Variants in CBX1 observed in about 807,000 individuals in gnomAD.
CBX1 encodes the protein chromobox 1.
A neutral mutation model predicts 25.1 loss-of-function variants in CBX1; 10 were observed. That is an observed-to-expected ratio of 0.40 (90% CI 0.25 to 0.68). The LOEUF is 0.68. CBX1 is among the 30% of genes least tolerant of loss of function. CBX1 has a pLI of 0.40. For synonymous variants in CBX1, 63 were observed against 79.4 expected, an observed-to-expected ratio of 0.79 and a Z score of 1.10; for missense variants, 106 against 218.5, an observed-to-expected ratio of 0.49 and a Z score of 3.25.
intron 1 of CBX1, among the ~76,000 whole-genome samples, chr17:48,092,556 G>A (rs961152980): frequency 2.3e-4 from 34 of 150,612 alleles, no homozygotes; most frequent in African/African-American, 8.0e-4. Context: ...CGGGTTCAAG[G>A]GATTCTCCTG....
intron 1 of CBX1, chr17:48,095,903 T>TG (rs2063372450): frequency 6.6e-6 from 1 of 152,212 alleles, no homozygotes; most frequent in East Asian, 1.9e-4. Flanking sequence ...TTTTTGGAGA[T>TG]GGAGTCTTGC....
At chr17:48,082,298 C>T (rs1462851738) in intron 1 of CBX1, among the ~76,000 whole-genome samples, 2 of 151,730 alleles carry the variant, frequency 1.3e-5, no homozygotes, top group Non-Finnish European at 2.9e-5. Flanking sequence ...GTCAGGAGAT[C>T]GAGCCCATCC....
intron 1 of CBX1, chr17:48,100,800 T>C: frequency 6.1e-6 from 6 of 985,462 alleles, no homozygotes; most frequent in Non-Finnish European, 7.2e-6. Flanking sequence ...ACGTTACTCC[T>C]CCGTAGTCCT....
rs56277117 is a variant in CBX1, at chr17:48,091,983, C to CTTT, written c.-38+9282_-38+9284dup. 9.0e-3 allele frequency among the ~76,000 whole-genome samples: 568 copies of CTTT among 62,940 alleles called. 20 individuals are homozygous for CTTT. Among genetic ancestry groups the CTTT allele is most frequent in the African/African-American group, 0.022 (326 of 14,968 alleles). 41.3% of individuals were successfully genotyped at this position (62,940 alleles called of 152,430 possible). A position where few individuals can be genotyped will look rare whatever the true frequency, so the allele number is the denominator to read the frequency against. ...CGTGAGCCACCATGCCCAGCCAGAT[C>CTTT]TTTTTTTTTTTTTTTTTTTTTTTTG... On this transcript the variant is annotated intron_variant, in intron 1 of 4. Coordinates refer to ENST00000225603, the MANE Select transcript of CBX1 (RefSeq NM_001127228.2).
intron 1 of CBX1, among the ~76,000 whole-genome samples, chr17:48,097,440 C>A (rs924044349): frequency 4.0e-5 from 6 of 151,850 alleles, no homozygotes; most frequent in Non-Finnish European, 1.5e-5. Flanking sequence ...CATGGCAAGA[C>A]CCCCATCTCT....
chr17:48,072,511 G>A (rs2037634452), intron 4 of CBX1, among the ~76,000 whole-genome samples: 1 of 152,140 alleles, frequency 6.6e-6, no homozygotes, highest in African/African-American at 2.4e-5. Context: ...CAAGTGGCTG[G>A]CCGCAGTGGC....
intron 1 of CBX1, among the ~76,000 whole-genome samples, chr17:48,086,224 C>T (rs12051561): frequency 6.6e-6 from 1 of 152,194 alleles, no homozygotes; most frequent in African/African-American, 2.4e-5. Context: ...CCACCCTCCA[C>T]CCCTGCACTG....
intron 1 of CBX1, chr17:48,100,859 A>G (rs1349148431): frequency 1.0e-6 from 1 of 985,466 alleles, no homozygotes; most frequent in Non-Finnish European, 1.2e-6. Flanking sequence ...GCGTCTTCCG[A>G]ATACAGTTAC....
In CBX1 at chr17:48,075,992, T is replaced by C. The variant is rs2037671534; in HGVS notation, c.318+9A>G. 6.4e-7 allele frequency: 1 copy of C among 1,569,448 alleles called. No homozygotes were observed. The highest frequency in any genetic ancestry group is 1.1e-5 in the South Asian group (1 of 86,984). On this transcript the variant is annotated intron_variant, in intron 3 of 4. Transcript: ENST00000225603. ...GTGGGCTAGTAAAAATTCTTACTTCTATTCTTACCTCTTCTTTCTTCTTCT... is the reference window on the plus strand; with the variant it reads ...GTGGGCTAGTAAAAATTCTTACTTCCATTCTTACCTCTTCTTTCTTCTTCT...
In CBX1 at chr17:48,070,744, G is replaced by C. The variant is rs927461873; in HGVS notation, c.*691C>G. ...AACTTATGAACAGGCTTAGTCCTTT[G>C]TGGGAACAGCAATAAGTTTAGGCAG... On this transcript the variant is annotated 3_prime_UTR_variant, in exon 5 of 5. Transcript: ENST00000225603. The C allele has an allele frequency of 1.3e-5, 2 of 152,632 alleles. No individual in the cohort carries two copies. Among genetic ancestry groups the C allele is most frequent in the Non-Finnish European group, 2.9e-5 (2 of 68,040 alleles). 9.5% of individuals were successfully genotyped at this position (152,632 alleles called of 1,614,324 possible).
At chr17:48,093,789 T>C (rs1445424211) in intron 1 of CBX1, among the ~76,000 whole-genome samples, 1 of 152,198 alleles carries the variant, frequency 6.6e-6, no homozygotes, top group African/African-American at 2.4e-5. Flanking sequence ...TATCCTATGT[T>C]TCCTCCATAG....
At chr17:48,090,543 A>C (rs1056510197) in intron 1 of CBX1, among the ~76,000 whole-genome samples, 7 of 152,164 alleles carry the variant, frequency 4.6e-5, no homozygotes, top group African/African-American at 1.7e-4. Flanking sequence ...ATTCGAAGCC[A>C]CCATCATCTC....
intron 4 of CBX1, among the ~76,000 whole-genome samples, chr17:48,074,222 G>C (rs957689933): frequency 6.6e-6 from 1 of 150,612 alleles, no homozygotes; most frequent in East Asian, 1.9e-4. Context: ...TCCATAGACT[G>C]TGTGTGTGTG....
At chr17:48,075,466 T>TA (rs2037666475) in intron 3 of CBX1, among the ~76,000 whole-genome samples, 1 of 152,200 alleles carries the variant, frequency 6.6e-6, no homozygotes, top group African/African-American at 2.4e-5. Flanking sequence ...GGGCTGGGAT[T>TA]ACAGGTGTGA....
chr17:48,087,620 C>A (rs181973795), intron 1 of CBX1, among the ~76,000 whole-genome samples: 292 of 151,248 alleles, frequency 1.9e-3, no homozygotes, highest in African/African-American at 6.8e-3. Context: ...ATGCCTGTAA[C>A]CCCAACACTT....
Position 48,077,011 on chromosome 17 carries a change from C to T in CBX1, c.-7G>A, listed in dbSNP as rs767107840. On this transcript the variant is annotated 5_prime_UTR_variant, in exon 2 of 5. Coordinates refer to ENST00000225603, the MANE Select transcript of CBX1 (RefSeq NM_001127228.2). Reference sequence around the variant, plus strand: ...TGTTTTGTTTTTTCCCCATAGTGCCCGCCAGCTTTCTGGTGTAAAGGGTGA... The same window carrying T: ...TGTTTTGTTTTTTCCCCATAGTGCCTGCCAGCTTTCTGGTGTAAAGGGTGA... The T allele has an allele frequency of 3.4e-5, 55 of 1,611,166 alleles. No individual in the cohort carries two copies. The highest frequency in any genetic ancestry group is 1.6e-4 in the East Asian group (7 of 44,818).
rs1306073187 is a variant in CBX1, at chr17:48,071,468, C to T, written c.525G>A (p.Ser175=). 7 of 1,612,594 alleles carry T rather than the reference C, an allele frequency of 4.3e-6. No individual in the cohort carries two copies. Among genetic ancestry groups the T allele is most frequent in the Admixed American group, 1.7e-5 (1 of 59,822 alleles). ...TGTCATCTTTTTTGTCATCATCCTC[C>T]GAGGGGTAGGAATGCCACGTCAGCC... is the stretch of plus-strand genomic sequence containing the variant. ...EERLTWHSYP[S]EDDDKKDDKN Residue 175 remains serine (S), a synonymous_variant, in exon 5 of 5, where the codon TCG becomes TCA. Transcript: ENST00000225603.
At chr17:48,100,603 A>T in intron 1 of CBX1, 2 of 500,294 alleles carry the variant, frequency 4.0e-6, no homozygotes, top group Non-Finnish European at 5.2e-6. Context: ...CTTTTTTCTT[A>T]CATACCTTAT....
At chr17:48,100,254 T>A (rs1425503995) in intron 1 of CBX1, among the ~76,000 whole-genome samples, 3 of 150,478 alleles carry the variant, frequency 2.0e-5, no homozygotes, top group African/African-American at 7.3e-5. Flanking sequence ...CAATCTCACA[T>A]AATTTTCCTA....
Sources: allele counts gnomAD v4.1 joint callset (sites outside exome capture counted in the v4.1 genomes callset), GRCh38; gene constraint gnomAD v4.1.1; transcripts MANE v1.5; gene names NCBI Gene and HGNC (gene_info 2026-07-23, HGNC 2026-07-21).